Variants in IKZF2 observed in about 807,000 individuals in gnomAD.
The protein encoded by IKZF2 is IKAROS family zinc finger 2.
In IKZF2, 15 loss-of-function variants were observed where a neutral mutation model predicts 49.2. That is an observed-to-expected ratio of 0.30 (90% confidence interval 0.20 to 0.47). IKZF2 has a LOEUF of 0.47. IKZF2 is among the 20% of genes least tolerant of loss of function. The probability of loss-of-function intolerance (pLI) is 1.00; values close to 1 mark genes in which losing one functional copy is unlikely to be tolerated. For missense variants in IKZF2, 567 were observed against 664.6 expected, an observed-to-expected ratio of 0.85 and a Z score of 1.61; for synonymous variants, 227 against 221.4, an observed-to-expected ratio of 1.03 and a Z score of -0.23.
At chr2:213,059,634 T>C (rs1316931155) in intron 4 of IKZF2, among the ~76,000 whole-genome samples, 1 of 151,618 alleles carries the variant, frequency 6.6e-6, no homozygotes, top group Non-Finnish European at 1.5e-5. Context: ...ATTTCAGGAA[T>C]GAAGAAATAC....
chr2:213,045,174 T>A (rs535493260), intron 6 of IKZF2, among the ~76,000 whole-genome samples: 1 of 152,072 alleles, frequency 6.6e-6, no homozygotes, highest in Non-Finnish European at 1.5e-5. Context: ...AGTGAAACCA[T>A]CAGAAAACTG....
chr2:213,020,040 T>G (rs1288269616), intron 7 of IKZF2, among the ~76,000 whole-genome samples: 2 of 152,172 alleles, frequency 1.3e-5, no homozygotes, highest in African/African-American at 4.8e-5. Flanking sequence ...TAACTAGGAA[T>G]GCAAAAATAA....
intron 6 of IKZF2, among the ~76,000 whole-genome samples, chr2:213,031,344 C>A (rs1698411805): frequency 6.6e-6 from 1 of 152,090 alleles, no homozygotes; most frequent in Admixed American, 6.5e-5. Context: ...AATGTAATAA[C>A]AATGTTCAAA....
At chr2:213,081,597 T>C (rs1266368801) in intron 4 of IKZF2, among the ~76,000 whole-genome samples, 1 of 152,126 alleles carries the variant, frequency 6.6e-6, no homozygotes, top group Non-Finnish European at 1.5e-5. Context: ...ATGACTGAAT[T>C]CCACCTTGAA....
intron 4 of IKZF2, among the ~76,000 whole-genome samples, chr2:213,128,215 T>C (rs1222329572): frequency 3.3e-5 from 5 of 152,326 alleles, no homozygotes; most frequent in Middle Eastern, 3.4e-3. Context: ...AGAAGCCTTA[T>C]CTAATAAATA....
intron 4 of IKZF2, among the ~76,000 whole-genome samples, chr2:213,109,607 G>C (rs1474125400): frequency 6.6e-6 from 1 of 151,726 alleles, no homozygotes; most frequent in East Asian, 1.9e-4. Context: ...TTTCCAAACA[G>C]ATATTTAGTG....
At chr2:213,076,636 AT>A (rs1392181053) in intron 4 of IKZF2, among the ~76,000 whole-genome samples, 2 of 152,258 alleles carry the variant, frequency 1.3e-5, no homozygotes, top group African/African-American at 4.8e-5. Flanking sequence ...TAAATGAGAT[AT>A]GTCATTTCCC....
chr2:213,059,786 G>T (rs1352096765), intron 4 of IKZF2, among the ~76,000 whole-genome samples: 1 of 151,410 alleles, frequency 6.6e-6, no homozygotes, highest in African/African-American at 2.4e-5. Context: ...AGATAAAAAT[G>T]TGATTTTTAA....
chr2:213,034,701 A>G (rs768908678), intron 6 of IKZF2, among the ~76,000 whole-genome samples: 2 of 152,254 alleles, frequency 1.3e-5, no homozygotes, highest in African/African-American at 4.8e-5. Flanking sequence ...CACAGATCAC[A>G]AAACAGACAT....
At chr2:213,128,310 G>A (rs1340479564) in intron 4 of IKZF2, among the ~76,000 whole-genome samples, 2 of 152,076 alleles carry the variant, frequency 1.3e-5, no homozygotes, top group Non-Finnish European at 2.9e-5. Context: ...CTATGCAATT[G>A]TTACATTTAT....
At chr2:213,078,824 G>T (rs1703570366) in intron 4 of IKZF2, among the ~76,000 whole-genome samples, 1 of 152,116 alleles carries the variant, frequency 6.6e-6, no homozygotes, top group Non-Finnish European at 1.5e-5. Context: ...AAACCAAAGT[G>T]ATTCTTCTCT....
At chr2:213,124,707 C>T (rs756543686) in intron 4 of IKZF2, among the ~76,000 whole-genome samples, 4 of 152,148 alleles carry the variant, frequency 2.6e-5, no homozygotes, top group Non-Finnish European at 4.4e-5. Context: ...AATAAGTATA[C>T]AACAACAACA....
intron 4 of IKZF2, among the ~76,000 whole-genome samples, chr2:213,139,081 C>G (rs2060779094): frequency 6.6e-6 from 1 of 151,832 alleles, no homozygotes; most frequent in African/African-American, 2.4e-5. Flanking sequence ...TAAAGTTAGG[C>G]TATAAAATCA....
chr2:213,055,121 T>C (rs943718190), intron 5 of IKZF2, among the ~76,000 whole-genome samples: 2 of 152,080 alleles, frequency 1.3e-5, no homozygotes, highest in Non-Finnish European at 2.9e-5. Context: ...TTGCATGCAA[T>C]TCAACTGAAA....
chr2:213,112,487 G>T, intron 4 of IKZF2, among the ~76,000 whole-genome samples: 1 of 148,270 alleles, frequency 6.7e-6, no homozygotes, highest in African/African-American at 2.5e-5. Context: ...TTAAGACAGG[G>T]TCTCACCCTG....
In IKZF2 at chr2:213,002,208, G is replaced by A. The variant is rs1447633632; in HGVS notation, c.*5152C>T. ...ACATCTTAGAAAACTAGTCATTCAT[G>A]TACCACTCTCTGTATGGGATAAAGG... On this transcript the variant is annotated 3_prime_UTR_variant, in exon 9 of 9. Transcript: ENST00000434687. The A allele has an allele frequency of 6.6e-6, 1 of 151,344 alleles. No homozygotes were observed. The highest frequency in any genetic ancestry group is 2.4e-5 in the African/African-American group (1 of 41,334). 9.4% of individuals were successfully genotyped at this position (151,344 alleles called of 1,614,324 possible).
intron 4 of IKZF2, among the ~76,000 whole-genome samples, chr2:213,067,633 A>C (rs1427886383): frequency 6.6e-6 from 1 of 152,106 alleles, no homozygotes; most frequent in Non-Finnish European, 1.5e-5. Context: ...AGTATGAAGA[A>C]CTCTTAAGAA....
At position 213,082,588 on chromosome 2, in the gene IKZF2, A is replaced by G. The variant is rs528350767; in HGVS notation, c.140-25489T>C. On this transcript the variant is annotated intron_variant, in intron 4 of 8. Coordinates refer to ENST00000434687, the MANE Select transcript of IKZF2 (RefSeq NM_001387220.1). Reference sequence around the variant, plus strand: ...CTAAGTTTATTGGATTTAGAACTTAACACATATATAGTCAATATCCCATAT... The same window carrying G: ...CTAAGTTTATTGGATTTAGAACTTAGCACATATATAGTCAATATCCCATAT... Among the ~76,000 whole-genome samples, 9 of 152,362 alleles carry G rather than the reference A, an allele frequency of 5.9e-5. No homozygotes were observed. The East Asian group carries it at 1.7e-3, about 29-fold the overall frequency.
At chr2:213,138,249 T>C (rs983734941) in intron 4 of IKZF2, among the ~76,000 whole-genome samples, 3 of 152,068 alleles carry the variant, frequency 2.0e-5, no homozygotes, top group Admixed American at 1.3e-4. Flanking sequence ...GATGGTGGTG[T>C]CATGGAAACA....
Sources: gnomAD v4.1 joint callset for allele counts (sites outside exome capture counted in the v4.1 genomes callset) on GRCh38, gnomAD v4.1.1 for gene constraint, MANE v1.5 for transcripts, NCBI Gene and HGNC (gene_info 2026-07-23, HGNC 2026-07-21) for gene names.